The following ACTR5 variants were observed in gnomAD, a reference collection of about 807,000 sequenced individuals.
ACTR5 encodes actin-related protein 5.
In ACTR5, 43 loss-of-function variants were observed where a neutral mutation model predicts 61.2. The observed-to-expected ratio is 0.70, with a 90% CI of 0.55 to 0.91. The LOEUF is 0.91. ACTR5 is among the 40% of genes least tolerant of loss of function. The pLI, the probability that ACTR5 is intolerant of heterozygous loss-of-function variation, is 0.00. For synonymous variants in ACTR5, 333 were observed against 310.5 expected (o/e 1.07, Z -0.76); for missense variants, 798 against 782.2 (o/e 1.02, Z -0.24).
At position 38,770,401 on chromosome 20, in the gene ACTR5, G is replaced by A. The variant is rs571542688; in HGVS notation, c.1567-1158G>A. On this transcript the variant is annotated intron_variant, in intron 8 of 8. Transcript: ENST00000243903. The stretch of plus-strand genomic sequence containing the variant: ...CAAGAAAACTGTAGTTTCAGCCTCT[G>A]CGAGCAATGTTCTTTGTATACTTTC... Among the ~76,000 whole-genome samples the A allele has an allele frequency of 8.2e-4, 125 of 152,324 alleles. 1 individual carries two copies. The highest frequency in any genetic ancestry group is 2.6e-3 in the African/African-American group (109 of 41,574).
intron 1 of ACTR5, among the ~76,000 whole-genome samples, chr20:38,749,291 G>C (rs1398930456): frequency 6.6e-6 from 1 of 152,206 alleles, no homozygotes; most frequent in Non-Finnish European, 1.5e-5. Context: ...AAGATGGTCA[G>C]GGTAGGACTC....
At chr20:38,762,299 T>C (rs2084459762) in intron 5 of ACTR5, among the ~76,000 whole-genome samples, 1 of 152,190 alleles carries the variant, frequency 6.6e-6, no homozygotes, top group African/African-American at 2.4e-5. Flanking sequence ...GCCACTGGTT[T>C]CCAAGAGGGA....
In ACTR5 at chr20:38,771,814, T is replaced by A; in HGVS notation, c.1822T>A (p.Ter608LysextTer20). The stretch of plus-strand genomic sequence containing the variant: ...TGGAGGTGGTGCTGGTGAGCAGGCA[T>A]AGCAGAGGCCCTCCAGAGAGACTGC... ...AGGGGAGEQA[*>K] The change falls in exon 9 of 9, where the codon TAG (stop) becomes AAG (lysine). Residue 608 changes from the stop codon to lysine, a stop_lost. Coordinates refer to ENST00000243903, the MANE Select transcript of ACTR5 (RefSeq NM_024855.4). The A allele has an allele frequency of 6.2e-7, 1 of 1,610,414 alleles. No individual in the cohort carries two copies. Among genetic ancestry groups the A allele is most frequent in the Non-Finnish European group, 8.5e-7 (1 of 1,179,240 alleles).
At chr20:38,752,566 GAGC>G (rs3833884) in intron 3 of ACTR5, among the ~76,000 whole-genome samples, 36,549 of 152,004 alleles carry the variant, frequency 0.24, 4,505 homozygotes, top group Middle Eastern at 0.35. Flanking sequence ...TTTTAAGAGT[GAGC>G]AGAACATATC....
chr20:38,753,891 A>G (rs868761100), intron 3 of ACTR5, among the ~76,000 whole-genome samples: 11 of 82,390 alleles, frequency 1.3e-4, no homozygotes, highest in South Asian at 3.3e-4. Flanking sequence ...TTTTTTTTTT[A>G]AAGTATTTTA....
At chr20:38,755,305 A>G in intron 4 of ACTR5, 131 bp downstream of exon 4, 1 of 923,106 alleles carries the variant, frequency 1.1e-6, no homozygotes, top group Non-Finnish European at 1.6e-6. Flanking sequence ...GAAGGAGTCC[A>G]GGGGGATCAT....
chr20:38,748,490 C>T lies in ACTR5; in HGVS notation c.12C>T (p.Asn4=), dbSNP rs1439918382. The T allele has an allele frequency of 1.3e-6, 2 of 1,489,400 alleles. No homozygotes were observed. Among genetic ancestry groups the T allele is most frequent in the African/African-American group, 1.5e-5 (1 of 68,416 alleles). The allele number at this position is 1,489,400 out of a possible 1,614,324, so 92.3% of individuals were successfully genotyped here. The stretch of plus-strand genomic sequence containing the variant: ...ACGCGCGCTCCAAGATGGCGGCGAA[C>T]GTGTTCCCGTTCCGCGACGCCCGTG... MAA[N]VFPFRDARAA... is the part of the protein sequence containing the mutation. The change falls in exon 1 of 9, where the codon AAC becomes AAT. Residue 4 remains asparagine, a synonymous_variant. Transcript: ENST00000243903.
intron 8 of ACTR5, among the ~76,000 whole-genome samples, chr20:38,769,602 G>C (rs770132247): frequency 5.7e-4 from 86 of 152,154 alleles, no homozygotes; most frequent in Non-Finnish European, 9.4e-4. Flanking sequence ...TCCATTTCCA[G>C]GGTGGGTTGA....
intron 6 of ACTR5, among the ~76,000 whole-genome samples, chr20:38,765,795 T>C (rs1277117547): frequency 6.6e-6 from 1 of 152,242 alleles, no homozygotes; most frequent in Non-Finnish European, 1.5e-5. Context: ...TGTAATAGTT[T>C]CATTTACATT....
intron 7 of ACTR5, 36 bp from the exon 8 acceptor site, chr20:38,767,428 G>A: frequency 6.3e-7 from 1 of 1,585,452 alleles, no homozygotes; most frequent in Non-Finnish European, 8.6e-7. Flanking sequence ...TGATATTTGA[G>A]TTAAGGGACT....
At chr20:38,759,920 C>T (rs995486222) in intron 5 of ACTR5, among the ~76,000 whole-genome samples, 1 of 152,058 alleles carries the variant, frequency 6.6e-6, no homozygotes, top group African/African-American at 2.4e-5. Context: ...GTAATCCCAA[C>T]ACTGAGAGGC....
At chr20:38,753,141 C>T (rs963694429) in intron 3 of ACTR5, among the ~76,000 whole-genome samples, 7 of 152,164 alleles carry the variant, frequency 4.6e-5, no homozygotes, top group Admixed American at 6.5e-5. Context: ...CCAGAAGACA[C>T]GGCTGAGGCA....
intron 3 of ACTR5, among the ~76,000 whole-genome samples, chr20:38,754,268 T>G (rs772960311): frequency 2.1e-4 from 32 of 152,226 alleles, no homozygotes; most frequent in Non-Finnish European, 4.4e-4. Context: ...TGTTTCTCGC[T>G]GAAGAACTTA....
intron 8 of ACTR5, among the ~76,000 whole-genome samples, chr20:38,770,588 A>G (rs1179413808): frequency 6.6e-6 from 1 of 152,168 alleles, no homozygotes; most frequent in Non-Finnish European, 1.5e-5. Flanking sequence ...TCTATTAACC[A>G]TATGTCTTGC....
intron 5 of ACTR5, among the ~76,000 whole-genome samples, chr20:38,764,876 C>T (rs2145675049): frequency 6.6e-6 from 1 of 152,336 alleles, no homozygotes; most frequent in Non-Finnish European, 1.5e-5. Context: ...CACTCTGTTG[C>T]CCACGCTGGT....
intron 5 of ACTR5, among the ~76,000 whole-genome samples, chr20:38,763,766 C>G (rs528884482): frequency 6.6e-5 from 10 of 152,324 alleles, no homozygotes; most frequent in Admixed American, 6.5e-4. Flanking sequence ...TCCCTCCCCT[C>G]TTTGTCTGAT....
chr20:38,755,149 G>C lies in ACTR5; in HGVS notation c.968G>C (p.Arg323Pro). 6.2e-7 allele frequency: 1 copy of C among 1,612,792 alleles called. No individual in the cohort carries two copies. The highest frequency in any genetic ancestry group is 8.5e-7 in the Non-Finnish European group (1 of 1,179,430). ...GAGAAGCTGCAGCTGGATCAGGAGC[G>C]TCTGGACCGACTGCTATATGTGCAG... ...REEKLQLDQE[R>P]LDRLLYVQEL... The change falls in exon 4 of 9, where the codon CGT (arginine) becomes CCT (proline). Residue 323 changes from arginine (R) to proline (P), a missense_variant. Physicochemically the swap from Arg to Pro is moderately radical, Grantham distance 103 (BLOSUM62 -2). Coordinates refer to ENST00000243903, the MANE Select transcript of ACTR5 (RefSeq NM_024855.4).
chr20:38,749,029 C>T (rs2084370310), intron 1 of ACTR5, among the ~76,000 whole-genome samples, 176 bp downstream of exon 1: 1 of 152,172 alleles, frequency 6.6e-6, no homozygotes, highest in African/African-American at 2.4e-5. Flanking sequence ...CTCCTTGTAT[C>T]TTGGAGCATA....
intron 4 of ACTR5, 129 bp from the exon 5 acceptor site, chr20:38,755,727 TG>T: frequency 1.2e-6 from 1 of 857,806 alleles, no homozygotes; most frequent in Non-Finnish European, 1.9e-6. Context: ...TGTGTGAAAC[TG>T]GAGGCAGCTG....
Sources: gnomAD v4.1 joint callset for allele counts (sites outside exome capture counted in the v4.1 genomes callset) on GRCh38, gnomAD v4.1.1 for gene constraint, MANE v1.5 for transcripts, NCBI Gene and HGNC (gene_info 2026-07-23, HGNC 2026-07-21) for gene names.